COL6A3: variants seen among roughly 807,000 people sequenced by gnomAD.
COL6A3 encodes the protein collagen type VI alpha 3 chain.
Under a neutral mutation model 274.1 loss-of-function variants are expected in COL6A3, and 137 were observed. The ratio of observed to expected loss-of-function variants is 0.50; its 90% CI spans 0.44 to 0.58. The LOEUF is 0.58. Ranked by LOEUF, COL6A3 falls within the 20% of genes least tolerant of loss-of-function variation. COL6A3 has a pLI of 0.00. For synonymous variants in COL6A3, 1,650 were observed against 1,650.6 expected (o/e 1.00, Z 0.01); for missense variants, 3,950 against 4,124.9 (o/e 0.96, Z 1.16).
At chr2:237,358,469 C>T (rs1384946528) in intron 21 of COL6A3, 52 bp downstream of exon 21, 11 of 1,458,216 alleles carry the variant, frequency 7.5e-6, no homozygotes, top group Admixed American at 6.7e-5. Context: ...CCTTTCCCAA[C>T]AACCCTCTTC....
chr2:237,379,785 T>C (rs2077955429), intron 5 of COL6A3, among the ~76,000 whole-genome samples: 1 of 152,222 alleles, frequency 6.6e-6, no homozygotes, highest in Non-Finnish European at 1.5e-5. Flanking sequence ...CCGTTTGTCA[T>C]TCTCCACTGG....
At chr2:237,396,924 TTCTACG>T in intron 1 of COL6A3, 77 bp from the exon 2 acceptor site, 1 of 995,696 alleles carries the variant, frequency 1.0e-6, no homozygotes, top group Non-Finnish European at 1.6e-6. Flanking sequence ...ATCCCATGCT[TTCTACG>T]TCCTTTTTAG....
rs1332888555 is a variant in COL6A3 at position 237,366,815 on chromosome 2, G to T, written c.5372C>A (p.Ser1791Tyr). ...CACGCGGAACGCTGTGGCGCTGTTG[G>T]ACGCTATCTTTCCAACCTCCTCCGA... The part of the protein sequence containing the change: ...IDSEEVGKIA[S>Y]NSATAFRVGN... Residue 1791 changes from serine (S) to tyrosine (Y), a missense_variant, in exon 11 of 44, where the codon TCC becomes TAC. Transcript: ENST00000295550. 2.7e-5 allele frequency: 43 copies of T among 1,614,260 alleles called. No individual in the cohort carries two copies. The highest frequency in any genetic ancestry group is 3.6e-5 in the Non-Finnish European group (43 of 1,180,058).
At chr2:237,330,060 T>C (rs1252120500) in intron 42 of COL6A3, 1 of 152,236 alleles carries the variant, frequency 6.6e-6, no homozygotes, top group Non-Finnish European at 1.5e-5. Flanking sequence ...CACAGGTGAT[T>C]AAGCCAATAA....
At chr2:237,360,335 G>C (rs976301175) in intron 16 of COL6A3, among the ~76,000 whole-genome samples, 176 bp from the exon 17 acceptor site, 3 of 152,202 alleles carry the variant, frequency 2.0e-5, no homozygotes, top group Non-Finnish European at 2.9e-5. Context: ...CCCTGCATGA[G>C]GCCTGGCCTG....
intron 38 of COL6A3, 81 bp from the exon 39 acceptor site, chr2:237,339,198 T>C: frequency 1.0e-6 from 1 of 970,246 alleles, no homozygotes; most frequent in South Asian, 1.3e-5. Flanking sequence ...ACAAGTTAAA[T>C]GAATCACATA....
At chr2:237,338,072 T>C (rs1482000343) in intron 39 of COL6A3, among the ~76,000 whole-genome samples, 2 of 152,236 alleles carry the variant, frequency 1.3e-5, no homozygotes, top group East Asian at 3.8e-4. Flanking sequence ...CTACCTTCTC[T>C]CTGCCCATGC....
chr2:237,381,376 T>A lies in COL6A3; in HGVS notation c.1436A>T (p.Gln479Leu). The A allele has an allele frequency of 6.2e-7, 1 of 1,614,246 alleles. No homozygotes were observed. The highest frequency in any genetic ancestry group is 8.5e-7 in the Non-Finnish European group (1 of 1,180,052). ...GGCCACTGCCACCTGGATAAGATCC[T>A]GTCCGATTTCCAGCCTCTGGATGAC... ...AKVIQRLEIGQDLIQVAVAQY... is the reference protein window; with the variant it reads ...AKVIQRLEIGLDLIQVAVAQY... The change falls in exon 5 of 44, where the codon CAG becomes CTG. Residue 479 changes from glutamine (Q) to leucine (L), a missense_variant. Physicochemically the swap from Gln to Leu is moderately radical, Grantham distance 113. Transcript: ENST00000295550.
In COL6A3 at chr2:237,367,404, G is replaced by T. The variant is rs1378378355; in HGVS notation, c.4901-118C>A. ...ACATTCCTAATAATTTATTCACAGT[G>T]AAACCTTCACTCAAATCCATGCCTC... On this transcript the variant is annotated intron_variant, in intron 10 of 43. Transcript: ENST00000295550. 28 of 1,272,932 alleles carry T rather than the reference G, an allele frequency of 2.2e-5. No homozygotes were observed. In the South Asian group the frequency reaches 4.4e-4, roughly 20 times the overall value. The allele number at this position is 1,272,932 out of a possible 1,614,324, so 78.9% of individuals were successfully genotyped here.
rs771817420 is a variant in COL6A3, at chr2:237,394,831, C to T, written c.465G>A (p.Lys155=). 5.6e-6 allele frequency: 9 copies of T among 1,613,972 alleles called. No homozygotes were observed. In the Admixed American group the frequency reaches 1.3e-4, roughly 24 times the overall value. Residue 155 remains lysine, a synonymous_variant, in exon 3 of 44, where the codon AAG becomes AAA. Coordinates refer to ENST00000295550, the MANE Select transcript of COL6A3 (RefSeq NM_004369.4). ...VIVVLTDGHS[K]DGLALPSAEL... ...CCGCTGAGGGCAGAGCAAGGCCATC[C>T]TTCGAGTGTCCATCAGTTAACACTA...
At chr2:237,376,454 T>C (rs1334010509) in intron 7 of COL6A3, among the ~76,000 whole-genome samples, 1 of 152,248 alleles carries the variant, frequency 6.6e-6, no homozygotes. Context: ...GCTTTTATTA[T>C]GCATACCATA....
At chr2:237,348,518 A>G in intron 29 of COL6A3, 95 bp downstream of exon 29, 2 of 1,417,892 alleles carry the variant, frequency 1.4e-6, no homozygotes, top group South Asian at 1.2e-5. Context: ...GACAATTTTT[A>G]AAGAAATAAT....
rs114131542 is a variant in COL6A3 at position 237,366,717 on chromosome 2, G to A, written c.5470C>T (p.Leu1824Phe). Residue 1824 changes from leucine (L) to phenylalanine (F), a missense_variant, in exon 11 of 44, where the codon CTT becomes TTT. Leu to Phe is a conservative substitution (Grantham distance 22). Transcript: ENST00000295550. Reference protein sequence around the residue: ...ETLHDAMHETLCPGVTDAAKA... With the variant: ...ETLHDAMHETFCPGVTDAAKA... The stretch of plus-strand genomic sequence containing the variant: ...GCAGCATCAGTTACACCAGGGCAAA[G>A]GGTTTCATGCATCGCATCATGCAAA... The A allele has an allele frequency of 3.1e-5, 50 of 1,614,250 alleles. 1 individual carries two copies. The East Asian group carries it at 9.8e-4, about 32-fold the overall frequency.
chr2:237,380,987 G>A lies in COL6A3; in HGVS notation c.1825C>T (p.Arg609Ter), dbSNP rs755382829. Residue 609 changes from arginine (R) to a stop codon, truncating the protein, a stop_gained, in exon 5 of 44, where the codon CGA becomes TGA. Transcript: ENST00000295550. LOFTEE classifies it high-confidence loss of function. Reference protein sequence around the residue: ...SSLVFIPAEFRAAPLQGMLPG... With the variant: ...SSLVFIPAEF ...AGCATGCCTTGCAATGGGGCGGCTC[G>A]GAACTCAGCTGGGATGAACACCAGG... The A allele has an allele frequency of 3.7e-6, 6 of 1,614,074 alleles. No individual in the cohort carries two copies. The highest frequency in any genetic ancestry group is 1.7e-5 in the Admixed American group (1 of 60,012).
At chr2:237,362,686 C>T (rs1211557517) in intron 14 of COL6A3, among the ~76,000 whole-genome samples, 1 of 152,198 alleles carries the variant, frequency 6.6e-6, no homozygotes, top group Non-Finnish European at 1.5e-5. Flanking sequence ...GTTCGCAGCT[C>T]AGCCCCACAT....
Position 237,373,692 on chromosome 2 carries a change from C to T in COL6A3, c.3679+720G>A, listed in dbSNP as rs190940453. 3.4e-4 allele frequency among the ~76,000 whole-genome samples: 51 copies of T among 151,666 alleles called. 1 individual carries two copies. In the East Asian group the frequency reaches 8.5e-3, roughly 25 times the overall value. ...GGAGCAAGGCCGCATCTGCCTCCTT[C>T]GCCACTGTGAACCCCCCCCACCCGA... On this transcript the variant is annotated intron_variant, in intron 8 of 43. Coordinates refer to ENST00000295550, the MANE Select transcript of COL6A3 (RefSeq NM_004369.4).
At chr2:237,336,047 G>C (rs1574930976) in intron 40 of COL6A3, 88 bp downstream of exon 40, 3 of 1,503,486 alleles carry the variant, frequency 2.0e-6, no homozygotes, top group East Asian at 2.3e-5. Context: ...TGTATTCTGA[G>C]TGTGTTACAT....
At chr2:237,345,325 T>C in intron 32 of COL6A3, 112 bp from the exon 33 acceptor site, 1 of 991,074 alleles carries the variant, frequency 1.0e-6, no homozygotes, top group Admixed American at 1.8e-5. Flanking sequence ...CTGGATAACC[T>C]TGATTGTTTA....
rs556055398 is a variant in COL6A3, at chr2:237,403,423, G to T, written c.-30-6576C>A. 1.1e-4 allele frequency among the ~76,000 whole-genome samples: 16 copies of T among 152,274 alleles called. No individual in the cohort carries two copies. In the South Asian group the frequency reaches 2.9e-3, roughly 28 times the overall value. ...ATGTACCCTGTGATTCAGATTCTGA[G>T]AACTTGAAGCCATGATCTCAGCAGC... On this transcript the variant is annotated intron_variant, in intron 1 of 43. Transcript: ENST00000295550.
Sources: gnomAD v4.1 joint callset for allele counts (sites outside exome capture counted in the v4.1 genomes callset) on GRCh38, gnomAD v4.1.1 for gene constraint, MANE v1.5 for transcripts, NCBI Gene and HGNC (gene_info 2026-07-23, HGNC 2026-07-21) for gene names.